Variants in GOLGA2 observed in about 807,000 individuals in gnomAD.
GOLGA2 encodes golgin subfamily A member 2.
A neutral mutation model predicts 148.8 loss-of-function variants in GOLGA2; 49 were observed. That is an observed-to-expected ratio of 0.33 (90% CI 0.26 to 0.42). The LOEUF (loss-of-function observed/expected upper bound fraction) is 0.42, where lower values mean the gene tolerates loss of function less well. Among genes scored for constraint, GOLGA2 ranks in the 10% least tolerant of loss-of-function variants. GOLGA2 has a pLI of 1.00. For synonymous variants in GOLGA2, 501 were observed against 511.8 expected (o/e 0.98, Z 0.28); for missense variants, 1,178 against 1,304.6 (o/e 0.90, Z 1.49).
At chr9:128,273,631 C>T (rs1831096989) in intron 2 of GOLGA2, 2 of 564,978 alleles carry the variant, frequency 3.5e-6, no homozygotes, top group Middle Eastern at 9.4e-4. Context: ...CTCATTTAAA[C>T]TTCACAAGTG....
In GOLGA2 at chr9:128,257,863, C is replaced by G. The variant is rs1393270658; in HGVS notation, c.2538G>C (p.Lys846Asn). ...CCTCTACCCTCTCCTTCAGGTCTGC[C>G]TTCTCCTGCATGAGCTCCATAAAGC... ...QSRFMELMQE[K>N]ADLKERVEEL... The change falls in exon 24 of 27, where the codon AAG (lysine) becomes AAC (asparagine). Residue 846 changes from lysine to asparagine, a missense_variant. Physicochemically the swap from Lys to Asn is moderately conservative, Grantham distance 94. Around this residue, in one of 5 missense-constraint regions of GOLGA2, gnomAD observed 529 missense variants for 521.8 expected, o/e 1.01. Coordinates refer to ENST00000611957, the MANE Select transcript of GOLGA2 (RefSeq NM_001366244.2). This position sits in a 1 kb window ranked among gnomAD's most constrained non-coding sequence, Gnocchi z 8.0. The G allele has an allele frequency of 3.1e-6, 5 of 1,614,168 alleles. No homozygotes were observed. The East Asian group carries it at 8.9e-5, about 29-fold the overall frequency.
At chr9:128,263,344 T>C (rs560584805) in intron 12 of GOLGA2, among the ~76,000 whole-genome samples, 2 of 152,282 alleles carry the variant, frequency 1.3e-5, no homozygotes, top group East Asian at 1.9e-4. Context: ...TCTGCCTCCC[T>C]GGTCCAAGTG....
intron 3 of GOLGA2, 22 bp from the exon 4 acceptor site, chr9:128,268,546 G>C (rs759758800): frequency 7.1e-7 from 1 of 1,410,776 alleles, no homozygotes; most frequent in Non-Finnish European, 1.0e-6. Context: ...CAGAGCAGGG[G>C]GTTAGGGGGC....
At position 128,263,063 on chromosome 9, in the gene GOLGA2, G is replaced by A. The variant is rs758521374; in HGVS notation, c.963C>T (p.Asp321=). 22 of 1,610,394 alleles carry A rather than the reference G, an allele frequency of 1.4e-5. No homozygotes were observed. Among genetic ancestry groups the A allele is most frequent in the South Asian group, 9.9e-5 (9 of 91,028 alleles). ...TCTTGTATAACTCCAGCCTGAGGGC[G>A]TCTCTCTCTTTGGTTAACTCCTTGT... The part of the protein sequence containing the change: ...RYNKELTKER[D]ALRLELYKNT... Residue 321 remains aspartate, a synonymous_variant, in exon 13 of 27, where the codon GAC becomes GAT. Coordinates refer to ENST00000611957, the MANE Select transcript of GOLGA2 (RefSeq NM_001366244.2).
At position 128,266,379 on chromosome 9, in the gene GOLGA2, C is replaced by T. The variant is rs1458167824; in HGVS notation, c.643-54G>A. 4.0e-6 allele frequency: 6 copies of T among 1,512,844 alleles called. No homozygotes were observed. Among genetic ancestry groups the T allele is most frequent in the Non-Finnish European group, 5.5e-6 (6 of 1,091,678 alleles). The allele number at this position is 1,512,844 out of a possible 1,614,324, so 93.7% of individuals were successfully genotyped here. A position where few individuals can be genotyped will look rare whatever the true frequency, so the allele number is the denominator to read the frequency against. ...TGAGGGTGGCCCCCTCAACTCTATT[C>T]CCCAGACCAGGAACGGGTAGGCAGG... On this transcript the variant is annotated intron_variant, in intron 8 of 26. Coordinates refer to ENST00000611957, the MANE Select transcript of GOLGA2 (RefSeq NM_001366244.2). The surrounding 1 kb of genome is among the most constrained non-coding windows in gnomAD (Gnocchi z 4.2).
rs1830701129 is a variant in GOLGA2 at position 128,268,013 on chromosome 9, CAG to C, written c.438-18_438-17del. On this transcript the variant is annotated splice_polypyrimidine_tract_variant and intron_variant, in intron 5 of 26. Coordinates refer to ENST00000611957, the MANE Select transcript of GOLGA2 (RefSeq NM_001366244.2). The stretch of plus-strand genomic sequence containing the variant: ...TGAGAAAGTCCTAGGGATGGAGACA[CAG>C]GGGTCAGGGGTGCAGGTGGCTCAAT... 1.9e-6 allele frequency: 3 copies of C among 1,612,070 alleles called. No individual in the cohort carries two copies. The African/African-American group carries it at 4.0e-5, about 22-fold the overall frequency.
At chr9:128,264,634 G>A (rs1830487010) in intron 12 of GOLGA2, among the ~76,000 whole-genome samples, 1 of 151,776 alleles carries the variant, frequency 6.6e-6, no homozygotes, top group Non-Finnish European at 1.5e-5. Flanking sequence ...TGCTATGTTG[G>A]TCAGGCTGGT....
At chr9:128,262,805 A>C in intron 13 of GOLGA2, 101 bp from the exon 14 acceptor site, 1 of 1,114,338 alleles carries the variant, frequency 9.0e-7, no homozygotes. Flanking sequence ...GAACTGTGGC[A>C]CTGGAAGGAA....
In GOLGA2 at chr9:128,257,408, G is replaced by A. The variant is rs769990416; in HGVS notation, c.2836C>T (p.Pro946Ser). 3 of 1,612,914 alleles carry A rather than the reference G, an allele frequency of 1.9e-6. No homozygotes were observed. The African/African-American group carries it at 4.0e-5, about 22-fold the overall frequency. Residue 946 changes from proline to serine, a missense_variant, in exon 26 of 27, where the codon CCA becomes TCA. Physicochemically the swap from Pro to Ser is moderately conservative, Grantham distance 74. Coordinates refer to ENST00000611957, the MANE Select transcript of GOLGA2 (RefSeq NM_001366244.2). This position sits in a 1 kb window ranked among gnomAD's most constrained non-coding sequence, Gnocchi z 8.0. ...GCAGCCCCAAGTTCCTGGGGGGCTG[G>A]GGCCCCTGAAGTGGGCTCATCAGCA... ...NPADEPTSGA[P>S]APQELGAANQ...
intron 5 of GOLGA2, 33 bp from the exon 6 acceptor site, chr9:128,268,030 G>A: frequency 6.2e-7 from 1 of 1,608,736 alleles, no homozygotes; most frequent in Non-Finnish European, 8.5e-7. Flanking sequence ...CAGGGGTGCA[G>A]GTGGCTCAAT....
chr9:128,270,990 A>G (rs1246516745), intron 3 of GOLGA2, among the ~76,000 whole-genome samples: 1 of 152,180 alleles, frequency 6.6e-6, no homozygotes, highest in Non-Finnish European at 1.5e-5. Context: ...GGGAGGTTGC[A>G]GTGAGCCAAG....
At chr9:128,272,694 C>T (rs1831029294) in intron 3 of GOLGA2, 91 bp downstream of exon 3, 1 of 306,514 alleles carries the variant, frequency 3.3e-6, no homozygotes, top group South Asian at 2.8e-5. Context: ...TAAAATAAGC[C>T]AGAGGCAAAG....
chr9:128,261,368 G>T lies in GOLGA2; in HGVS notation c.1332+86C>A. ...AAAGCCCAGACCCATGACCACCTCT[G>T]GCTGTGCTCCTCCCATTTCGCAGAT... On this transcript the variant is annotated intron_variant, in intron 16 of 26. Transcript: ENST00000611957. The surrounding 1 kb of genome is among the most constrained non-coding windows in gnomAD (Gnocchi z 5.7). 1 of 1,206,016 alleles carries T rather than the reference G, an allele frequency of 8.3e-7. No individual in the cohort carries two copies. Among genetic ancestry groups the T allele is most frequent in the Non-Finnish European group, 1.2e-6 (1 of 808,144 alleles). 74.7% of individuals were successfully genotyped at this position (1,206,016 alleles called of 1,614,324 possible).
chr9:128,263,310 G>C (rs1276058132), intron 12 of GOLGA2, among the ~76,000 whole-genome samples: 1 of 152,212 alleles, frequency 6.6e-6, no homozygotes, highest in Non-Finnish European at 1.5e-5. Flanking sequence ...CTGAAGTGCA[G>C]TGGTGAGATC....
rs548811706 is a variant in GOLGA2 at position 128,261,161 on chromosome 9, C to T, written c.1420+11G>A. 2 of 1,591,820 alleles carry T rather than the reference C, an allele frequency of 1.3e-6. No individual in the cohort carries two copies. The highest frequency in any genetic ancestry group is 2.7e-5 in the African/African-American group (2 of 74,480). On this transcript the variant is annotated intron_variant, in intron 17 of 26. Transcript: ENST00000611957. The surrounding 1 kb of genome is among the most constrained non-coding windows in gnomAD (Gnocchi z 5.7). ...CATTCCTGCTCCCAGGTCACCCCAG[C>T]CCCAGCTTACCCATCTGGTTCCTCA...
chr9:128,275,255 A>G (rs993780479), intron 1 of GOLGA2: 2 of 608,140 alleles, frequency 3.3e-6, no homozygotes, highest in Non-Finnish European at 5.5e-6. Context: ...TGACCAGAGG[A>G]ACCAGAAGCG....
In GOLGA2 at chr9:128,258,133, C is replaced by T. The variant is rs1830016993; in HGVS notation, c.2355G>A (p.Leu785=). 1 of 1,608,198 alleles carries T rather than the reference C, an allele frequency of 6.2e-7. No individual in the cohort carries two copies. The highest frequency in any genetic ancestry group is 8.5e-7 in the Non-Finnish European group (1 of 1,179,246). ...EEEQARLRGQ[L]KEQRVRCRRL... Reference sequence around the variant, plus strand: ...GCCGGCAGCGCACCCTTTGCTCCTTCAGCTGCCCACGTAGCCTTGCCTGCT... The same window carrying T: ...GCCGGCAGCGCACCCTTTGCTCCTTTAGCTGCCCACGTAGCCTTGCCTGCT... Residue 785 remains leucine, a synonymous_variant, in exon 23 of 27, where the codon CTG becomes CTA. Transcript: ENST00000611957. The surrounding 1 kb of genome is among the most constrained non-coding windows in gnomAD (Gnocchi z 6.6).
chr9:128,257,342 C>T lies in GOLGA2; in HGVS notation c.2875+27G>A. ...GCGAGCCCTCCCTTACTCCTGCCTG[C>T]CCACCCCTCCCGAGGGCTCTACTCA... On this transcript the variant is annotated intron_variant, in intron 26 of 26. Coordinates refer to ENST00000611957, the MANE Select transcript of GOLGA2 (RefSeq NM_001366244.2). The surrounding 1 kb of genome is among the most constrained non-coding windows in gnomAD (Gnocchi z 8.0). The T allele has an allele frequency of 6.2e-7, 1 of 1,612,856 alleles. No homozygotes were observed. Among genetic ancestry groups the T allele is most frequent in the Non-Finnish European group, 8.5e-7 (1 of 1,179,814 alleles).
Position 128,258,902 on chromosome 9 carries a change from G to T in GOLGA2, c.2173+105C>A. 1 of 830,110 alleles carries T rather than the reference G, an allele frequency of 1.2e-6. No homozygotes were observed. The highest frequency in any genetic ancestry group is 2.0e-6 in the Non-Finnish European group (1 of 494,902). The allele number at this position is 830,110 out of a possible 1,614,324, so 51.4% of individuals were successfully genotyped here. A position where few individuals can be genotyped will look rare whatever the true frequency, so the allele number is the denominator to read the frequency against. ...AGTGTGGACACCCAGTTGGCATAATGACCAGCTGTTCTAAAGGTCTCTTCC... is the reference window on the plus strand; with the variant it reads ...AGTGTGGACACCCAGTTGGCATAATTACCAGCTGTTCTAAAGGTCTCTTCC... On this transcript the variant is annotated intron_variant, in intron 21 of 26. Transcript: ENST00000611957. This position sits in a 1 kb window ranked among gnomAD's most constrained non-coding sequence, Gnocchi z 6.6.
Sources: gnomAD v4.1 joint callset for allele counts (sites outside exome capture counted in the v4.1 genomes callset) on GRCh38, gnomAD v4.1.1 for gene constraint, gnomAD v4.1.1 regional missense constraint, Gnocchi (gnomAD v3.1) non-coding constraint, MANE v1.5 for transcripts, NCBI Gene and HGNC (gene_info 2026-07-23, HGNC 2026-07-21) for gene names.